MRPL1: variants seen among roughly 807,000 people sequenced by gnomAD.
The protein encoded by MRPL1 is mitochondrial ribosomal protein L1.
In MRPL1, 28 loss-of-function variants were observed where a neutral mutation model predicts 38.0. The ratio of observed to expected loss-of-function variants is 0.74; its 90% CI spans 0.55 to 1.01. MRPL1 has a LOEUF of 1.01. MRPL1 is among the 50% of genes least tolerant of loss of function. The pLI, the probability that MRPL1 is intolerant of heterozygous loss-of-function variation, is 0.00. For missense variants in MRPL1, 358 were observed against 389.8 expected, an observed-to-expected ratio of 0.92 and a Z score of 0.69; for synonymous variants, 123 against 126.7, an observed-to-expected ratio of 0.97 and a Z score of 0.20.
chr4:77,915,694 A>AC, intron 7 of MRPL1, among the ~76,000 whole-genome samples: 1 of 152,204 alleles, frequency 6.6e-6, no homozygotes, highest in East Asian at 1.9e-4. Context: ...GATTACAGGC[A>AC]CAAGCCACTG....
At chr4:77,935,946 A>AAAT (rs1553908088) in intron 7 of MRPL1, among the ~76,000 whole-genome samples, 23 of 150,474 alleles carry the variant, frequency 1.5e-4, no homozygotes, top group Middle Eastern at 3.4e-3. Flanking sequence ...AAAAAAAAAA[A>AAAT]AGTAAACTCT....
intron 7 of MRPL1, among the ~76,000 whole-genome samples, chr4:77,911,637 GTAA>G (rs573137420): frequency 8.6e-5 from 13 of 151,888 alleles, no homozygotes; most frequent in Non-Finnish European, 1.9e-4. Context: ...TAAAATCATG[GTAA>G]TAATATGTAC....
At position 77,925,283 on chromosome 4, in the gene MRPL1, T is replaced by C. The variant is rs565703387; in HGVS notation, c.777+15911T>C. On this transcript the variant is annotated intron_variant, in intron 7 of 8. Coordinates refer to ENST00000315567, the MANE Select transcript of MRPL1 (RefSeq NM_020236.4). ...ATTAAACTATATAATTAGATATATA[T>C]GTGTGTGTGTATTTAACTGTGAATA... Among the ~76,000 whole-genome samples, 4 of 151,974 alleles carry C rather than the reference T, an allele frequency of 2.6e-5. No individual in the cohort carries two copies. The South Asian group carries it at 8.3e-4, about 31-fold the overall frequency.
Position 77,883,293 on chromosome 4 carries a change from A to G in MRPL1, c.195A>G (p.Lys65=), listed in dbSNP as rs761449819. The part of the protein sequence containing the change: ...KGAKEKTPDE[K]KDEIEKIKAY... ...CTAAAGAAAAAACACCAGATGAGAA[A>G]AAAGATGAAATAGAAAAAATAAAAG... Residue 65 remains lysine, a synonymous_variant, in exon 3 of 9, where the codon AAA becomes AAG. Coordinates refer to ENST00000315567, the MANE Select transcript of MRPL1 (RefSeq NM_020236.4). 1.2e-6 allele frequency: 2 copies of G among 1,600,714 alleles called. No individual in the cohort carries two copies. Among genetic ancestry groups the G allele is most frequent in the Non-Finnish European group, 1.7e-6 (2 of 1,176,462 alleles).
intron 6 of MRPL1, among the ~76,000 whole-genome samples, chr4:77,905,183 G>A (rs1373430720): frequency 1.3e-5 from 2 of 152,040 alleles, no homozygotes; most frequent in Non-Finnish European, 2.9e-5. Context: ...GGGCAAAATA[G>A]TTGAGTAGGT....
rs542508960 is a variant in MRPL1, at chr4:77,883,508, G to T, written c.402+8G>T. 2 of 1,586,934 alleles carry T rather than the reference G, an allele frequency of 1.3e-6. No homozygotes were observed. The highest frequency in any genetic ancestry group is 2.7e-5 in the African/African-American group (2 of 73,614). On this transcript the variant is annotated splice_region_variant and intron_variant, in intron 3 of 8. Transcript: ENST00000315567. ...ATGGCACTGGGAAAGAAGGTATGTA[G>T]AGTCCATTAAAATAAGTTTACCTGT...
At chr4:77,887,883 T>G (rs532397198) in intron 5 of MRPL1, among the ~76,000 whole-genome samples, 1 of 152,190 alleles carries the variant, frequency 6.6e-6, no homozygotes, top group Non-Finnish European at 1.5e-5. Flanking sequence ...TTACTATTTT[T>G]CGCTTCTTTT....
intron 6 of MRPL1, chr4:77,906,876 A>C: frequency 1.6e-6 from 1 of 633,600 alleles, no homozygotes; most frequent in African/African-American, 2.0e-5. Flanking sequence ...GTTACATCAG[A>C]CTGTGATACT....
chr4:77,922,254 A>G (rs907722063), intron 7 of MRPL1, among the ~76,000 whole-genome samples: 2 of 152,236 alleles, frequency 1.3e-5, no homozygotes, highest in African/African-American at 4.8e-5. Context: ...TTGAATCATG[A>G]TCCAAAGAAA....
chr4:77,948,139 A>T (rs912681782), intron 7 of MRPL1, among the ~76,000 whole-genome samples: 1 of 152,200 alleles, frequency 6.6e-6, no homozygotes. Context: ...TAACTGTTTA[A>T]AAAGATAGGT....
At chr4:77,894,991 TTGAC>T (rs1376189994) in intron 6 of MRPL1, among the ~76,000 whole-genome samples, 1 of 152,090 alleles carries the variant, frequency 6.6e-6, no homozygotes, top group African/African-American at 2.4e-5. Flanking sequence ...TTAGCTCTCT[TTGAC>T]TGTGGGGAGT....
At chr4:77,942,225 C>A (rs1285134029) in intron 7 of MRPL1, among the ~76,000 whole-genome samples, 2 of 152,072 alleles carry the variant, frequency 1.3e-5, no homozygotes, top group Non-Finnish European at 2.9e-5. Context: ...TGGTCTGAGA[C>A]AGTACTTGAT....
intron 5 of MRPL1, among the ~76,000 whole-genome samples, chr4:77,891,089 T>C (rs903284655): frequency 6.6e-6 from 1 of 152,140 alleles, no homozygotes; most frequent in Non-Finnish European, 1.5e-5. Flanking sequence ...AGGAAGAGTA[T>C]GCTTTAATAC....
intron 7 of MRPL1, among the ~76,000 whole-genome samples, chr4:77,947,938 T>A (rs1316855927): frequency 1.3e-5 from 2 of 152,230 alleles, no homozygotes; most frequent in African/African-American, 2.4e-5. Flanking sequence ...TTTGTGGTTT[T>A]TTTAAACTTA....
chr4:77,890,437 C>T (rs940491918), intron 5 of MRPL1, among the ~76,000 whole-genome samples: 1 of 152,134 alleles, frequency 6.6e-6, no homozygotes, highest in African/African-American at 2.4e-5. Flanking sequence ...AATTCAACAG[C>T]CCTTCATGCT....
chr4:77,943,556 G>C (rs953872305), intron 7 of MRPL1, among the ~76,000 whole-genome samples: 1 of 151,764 alleles, frequency 6.6e-6, no homozygotes, highest in Non-Finnish European at 1.5e-5. Context: ...TGGAGGCTTT[G>C]TTTATTTATT....
intron 7 of MRPL1, among the ~76,000 whole-genome samples, chr4:77,921,814 A>C (rs904295140): frequency 6.6e-6 from 1 of 151,984 alleles, no homozygotes; most frequent in Non-Finnish European, 1.5e-5. Context: ...TATGAGGCTA[A>C]CAATAGACTT....
At chr4:77,886,766 T>C (rs1735684961) in intron 4 of MRPL1, among the ~76,000 whole-genome samples, 1 of 150,360 alleles carries the variant, frequency 6.7e-6, no homozygotes, top group African/African-American at 2.4e-5. Flanking sequence ...CAGGTGTGGC[T>C]CACTGCACCT....
intron 5 of MRPL1, among the ~76,000 whole-genome samples, chr4:77,889,729 C>T (rs193026140): frequency 9.5e-4 from 144 of 152,088 alleles, no homozygotes; most frequent in African/African-American, 3.2e-3. Flanking sequence ...ATTGATAGAT[C>T]GCTAACAAGA....
Sources: gnomAD v4.1 joint callset for allele counts (sites outside exome capture counted in the v4.1 genomes callset) on GRCh38, gnomAD v4.1.1 for gene constraint, MANE v1.5 for transcripts, NCBI Gene and HGNC (gene_info 2026-07-23, HGNC 2026-07-21) for gene names.